The following PKP4 variants were observed in gnomAD, a reference collection of about 807,000 sequenced individuals.
The protein encoded by PKP4 is plakophilin 4, also known as plakophilin-4.
PKP4 carries 90 observed loss-of-function variants against 145.1 expected under a neutral mutation model. That is an observed-to-expected ratio of 0.62 (90% CI 0.52 to 0.74). The LOEUF is 0.74. PKP4 is among the 30% of genes least tolerant of loss of function. The probability of loss-of-function intolerance (pLI) is 0.00; values close to 1 mark genes in which losing one functional copy is unlikely to be tolerated. For synonymous variants in PKP4, 563 were observed against 577.2 expected (o/e 0.98, Z 0.35); for missense variants, 1,340 against 1,482.7 (o/e 0.90, Z 1.58).
chr2:158,494,351 C>A (rs1695375721), intron 1 of PKP4, among the ~76,000 whole-genome samples: 1 of 151,810 alleles, frequency 6.6e-6, no homozygotes, highest in African/African-American at 2.4e-5. Context: ...GTTGAAATAT[C>A]AATTGTGCCA....
intron 1 of PKP4, among the ~76,000 whole-genome samples, chr2:158,505,338 A>G (rs1248214328): frequency 6.6e-6 from 1 of 152,164 alleles, no homozygotes; most frequent in Non-Finnish European, 1.5e-5. Context: ...AGTGATCACC[A>G]GAGTATTAAG....
At chr2:158,587,800 C>G (rs1484994261) in intron 3 of PKP4, among the ~76,000 whole-genome samples, 1 of 151,898 alleles carries the variant, frequency 6.6e-6, no homozygotes, top group African/African-American at 2.4e-5. Flanking sequence ...TTTCTCTTCC[C>G]CATAGCTAAC....
intron 12 of PKP4, 52 bp downstream of exon 12, chr2:158,658,366 A>G (rs992672935): frequency 3.6e-6 from 4 of 1,105,968 alleles, no homozygotes; most frequent in Non-Finnish European, 5.3e-6. Flanking sequence ...AATATGTGTC[A>G]TAGGTAAATT....
At chr2:158,647,726 G>A (rs1284854069) in intron 11 of PKP4, among the ~76,000 whole-genome samples, 1 of 152,150 alleles carries the variant, frequency 6.6e-6, no homozygotes, top group Non-Finnish European at 1.5e-5. Flanking sequence ...CTTTTAGTAA[G>A]TGCTGATATA....
intron 3 of PKP4, among the ~76,000 whole-genome samples, chr2:158,578,546 TATA>T (rs1162864541): frequency 2.0e-5 from 3 of 152,270 alleles, no homozygotes; most frequent in East Asian, 1.9e-4. Flanking sequence ...TTTAATTCTC[TATA>T]ATATTTTTTA....
intron 11 of PKP4, among the ~76,000 whole-genome samples, chr2:158,653,449 CT>C (rs1403860572): frequency 1.3e-5 from 2 of 151,854 alleles, no homozygotes; most frequent in Non-Finnish European, 2.9e-5. Flanking sequence ...TTTATTCATT[CT>C]TTGTGAGGAA....
chr2:158,663,211 T>C, intron 14 of PKP4, 61 bp from the exon 15 acceptor site: 2 of 1,557,760 alleles, frequency 1.3e-6, no homozygotes, highest in Non-Finnish European at 1.7e-6. Flanking sequence ...GGTGAATGTT[T>C]TCAAGTATTG....
intron 20 of PKP4, among the ~76,000 whole-genome samples, chr2:158,677,959 TTAA>T (rs2058150732): frequency 1.3e-5 from 2 of 152,220 alleles, no homozygotes; most frequent in African/African-American, 4.8e-5. Flanking sequence ...TTTGCTAGCC[TTAA>T]TAATAATGGA....
At position 158,667,196 on chromosome 2, in the gene PKP4, C is replaced by T. The variant is rs976163250; in HGVS notation, c.2728+633C>T. ...CTCCGCACCCCAGGCAGCTTGCTTG[C>T]CTCTGCGGCATTGCCACATCCTAGG... On this transcript the variant is annotated intron_variant, in intron 16 of 21. Coordinates refer to ENST00000389759, the MANE Select transcript of PKP4 (RefSeq NM_003628.6). 2.6e-5 allele frequency among the ~76,000 whole-genome samples: 4 copies of T among 152,314 alleles called. No individual in the cohort carries two copies. In the South Asian group the frequency reaches 6.2e-4, roughly 24 times the overall value.
chr2:158,532,177 ATAG>A (rs1046837630), intron 1 of PKP4, among the ~76,000 whole-genome samples: 4 of 152,210 alleles, frequency 2.6e-5, no homozygotes, highest in African/African-American at 9.6e-5. Context: ...ATGAATAATA[ATAG>A]TAGAGTAGTT....
chr2:158,578,357 A>G (rs918123271), intron 3 of PKP4: 1 of 159,916 alleles, frequency 6.3e-6, no homozygotes, highest in South Asian at 2.1e-4. Context: ...AAAGGTCGTC[A>G]AAACTTTTAC....
chr2:158,596,525 A>G (rs1446950274), intron 3 of PKP4, among the ~76,000 whole-genome samples: 1 of 152,154 alleles, frequency 6.6e-6, no homozygotes, highest in Non-Finnish European at 1.5e-5. Flanking sequence ...CATCTATTTA[A>G]TAGAAGAACA....
At position 158,657,043 on chromosome 2, in the gene PKP4, G is replaced by A. The variant is rs997440263; in HGVS notation, c.1910-1088G>A. ...ATTTTGCCACCCCTCCCTCTGCAAG[G>A]CCACAAACGTTTTTGTGTGTTGGTA... On this transcript the variant is annotated intron_variant, in intron 11 of 21. Transcript: ENST00000389759. 3.9e-5 allele frequency among the ~76,000 whole-genome samples: 6 copies of A among 152,238 alleles called. No individual in the cohort carries two copies. In the East Asian group the frequency reaches 1.2e-3, roughly 29 times the overall value.
At chr2:158,542,333 A>G (rs1028745178) in intron 2 of PKP4, among the ~76,000 whole-genome samples, 2 of 152,192 alleles carry the variant, frequency 1.3e-5, no homozygotes, top group African/African-American at 4.8e-5. Flanking sequence ...TTTTTTAACT[A>G]TGATGTGAAA....
At chr2:158,585,339 A>G (rs895324259) in intron 3 of PKP4, among the ~76,000 whole-genome samples, 11 of 152,226 alleles carry the variant, frequency 7.2e-5, no homozygotes, top group African/African-American at 2.7e-4. Flanking sequence ...TTTGACAAAT[A>G]GTGTTCTTAC....
At position 158,631,914 on chromosome 2, in the gene PKP4, C is replaced by A; in HGVS notation, c.1315C>A (p.Gln439Lys). Residue 439 changes from glutamine (Q) to lysine (K), a missense_variant, in exon 8 of 22, where the codon CAG becomes AAG. By Grantham distance (53) the Gln-to-Lys change is moderately conservative. Coordinates refer to ENST00000389759, the MANE Select transcript of PKP4 (RefSeq NM_003628.6). ...NHGTVELQGSQTALYRTGSVG... is the reference protein window; with the variant it reads ...NHGTVELQGSKTALYRTGSVG... ...TGGAACTGTGGAGCTCCAAGGATCG[C>A]AGACGGCGTTGTATCGCACAGGTTC... 6.2e-7 allele frequency: 1 copy of A among 1,614,014 alleles called. No homozygotes were observed. Among genetic ancestry groups the A allele is most frequent in the Non-Finnish European group, 8.5e-7 (1 of 1,180,018 alleles).
chr2:158,666,566 A>G lies in PKP4; in HGVS notation c.2728+3A>G. Reference sequence around the variant, plus strand: ...TGTTCGCAACAAGGAGCTCATAGGTATGTTCTGGTGACAAGATGAGCTGTA... The same window carrying G: ...TGTTCGCAACAAGGAGCTCATAGGTGTGTTCTGGTGACAAGATGAGCTGTA... On this transcript the variant is annotated splice_donor_region_variant and intron_variant, in intron 16 of 21. Transcript: ENST00000389759. 1 of 1,601,530 alleles carries G rather than the reference A, an allele frequency of 6.2e-7. No individual in the cohort carries two copies. Among genetic ancestry groups the G allele is most frequent in the Non-Finnish European group, 8.5e-7 (1 of 1,175,750 alleles).
At chr2:158,650,494 C>T (rs1349732913) in intron 11 of PKP4, among the ~76,000 whole-genome samples, 2 of 152,204 alleles carry the variant, frequency 1.3e-5, no homozygotes, top group Non-Finnish European at 2.9e-5. Context: ...CGCAGAGACT[C>T]GGGCTAACCC....
At chr2:158,563,947 C>T (rs756299956) in intron 2 of PKP4, among the ~76,000 whole-genome samples, 3 of 152,136 alleles carry the variant, frequency 2.0e-5, no homozygotes, top group Admixed American at 6.5e-5. Flanking sequence ...CAGAATACCA[C>T]GTTCGAGGAA....
Sources: gnomAD v4.1 joint callset for allele counts (sites outside exome capture counted in the v4.1 genomes callset) on GRCh38, gnomAD v4.1.1 for gene constraint, MANE v1.5 for transcripts, NCBI Gene and HGNC (gene_info 2026-07-23, HGNC 2026-07-21) for gene names.